The following FHIT variants were observed in gnomAD, a reference collection of about 807,000 sequenced individuals.
FHIT encodes bis(5'-adenosyl)-triphosphatase.
In FHIT, 19 loss-of-function variants were observed where a neutral mutation model predicts 17.9. The observed-to-expected ratio is 1.06, with a 90% CI of 0.74 to 1.56. FHIT has a LOEUF of 1.56. Ranked by LOEUF, FHIT falls within the 40% of genes most tolerant of loss-of-function variation. FHIT has a pLI of 0.00. For synonymous variants in FHIT, 81 were observed against 69.7 expected, an observed-to-expected ratio of 1.16 and a Z score of -0.81; for missense variants, 248 against 189.2, an observed-to-expected ratio of 1.31 and a Z score of -1.82.
chr3:60,509,709 C>T (rs2034872707), intron 5 of FHIT, among the ~76,000 whole-genome samples: 1 of 152,228 alleles, frequency 6.6e-6, no homozygotes, highest in Admixed American at 6.5e-5. Flanking sequence ...CTTCACATGA[C>T]ATTTCTGTGG....
chr3:60,439,502 T>C (rs1468924300), intron 5 of FHIT, among the ~76,000 whole-genome samples: 1 of 152,074 alleles, frequency 6.6e-6, no homozygotes, highest in Non-Finnish European at 1.5e-5. Context: ...AGAACCCTGC[T>C]TTTAGTTTTG....
In FHIT at chr3:60,355,569, A is replaced by T. The variant is rs189865930; in HGVS notation, c.103+181291T>A. On this transcript the variant is annotated intron_variant, in intron 5 of 9. Transcript: ENST00000492590. ...TTTTAATGTTCCTAAATGAAATGAA[A>T]AATTGCTATTAAAAAAACTAAATTT... 2.3e-3 allele frequency among the ~76,000 whole-genome samples: 357 copies of T among 152,314 alleles called. 4 individuals carry two copies. Among genetic ancestry groups the T allele is most frequent in the African/African-American group, 8.2e-3 (342 of 41,574 alleles).
chr3:60,113,225 G>A (rs1704758642), intron 5 of FHIT, among the ~76,000 whole-genome samples: 2 of 152,158 alleles, frequency 1.3e-5, no homozygotes, highest in African/African-American at 4.8e-5. Context: ...TGAAGGTAAG[G>A]ATCCTGTCTT....
intron 7 of FHIT, among the ~76,000 whole-genome samples, chr3:60,004,550 A>C (rs563747690): frequency 1.8e-4 from 27 of 152,312 alleles, no homozygotes; most frequent in African/African-American, 6.0e-4. Context: ...AAGCAGAGCA[A>C]AATAATACAG....
chr3:60,729,594 G>T (rs1025534531), intron 4 of FHIT, among the ~76,000 whole-genome samples: 15 of 152,082 alleles, frequency 9.9e-5, no homozygotes, highest in African/African-American at 3.6e-4. Context: ...TCATACTATT[G>T]TTTCTCATAA....
chr3:61,202,664 C>A (rs1035540212), intron 1 of FHIT, among the ~76,000 whole-genome samples: 2 of 151,928 alleles, frequency 1.3e-5, no homozygotes, highest in Admixed American at 1.3e-4. Context: ...AATGAAACCA[C>A]AGAACGCAGA....
At chr3:60,796,750 G>A (rs1700994719) in intron 4 of FHIT, among the ~76,000 whole-genome samples, 1 of 152,076 alleles carries the variant, frequency 6.6e-6, no homozygotes. Flanking sequence ...CTCAACTAAT[G>A]TTTGTATTTT....
chr3:60,764,140 T>C (rs782715237), intron 4 of FHIT, among the ~76,000 whole-genome samples: 8 of 152,136 alleles, frequency 5.3e-5, no homozygotes, highest in African/African-American at 1.7e-4. Context: ...TTTTCCATCA[T>C]GTAGTGCTCC....
chr3:60,026,969 C>G (rs1281166469), intron 5 of FHIT, among the ~76,000 whole-genome samples: 1 of 151,924 alleles, frequency 6.6e-6, no homozygotes, highest in Non-Finnish European at 1.5e-5. Context: ...CATGGTGGCA[C>G]ACACCTGTAA....
intron 8 of FHIT, among the ~76,000 whole-genome samples, chr3:59,795,416 C>A (rs1337164209): frequency 4.6e-5 from 7 of 150,936 alleles, no homozygotes; most frequent in African/African-American, 1.7e-4. Context: ...ATTTTTTCTT[C>A]TTATTTTTAT....
At chr3:60,243,789 ATAAACT>A (rs775799379) in intron 5 of FHIT, among the ~76,000 whole-genome samples, 31 of 152,122 alleles carry the variant, frequency 2.0e-4, no homozygotes, top group Admixed American at 3.9e-4. Flanking sequence ...CAGTTCTAAA[ATAAACT>A]TTAACTTTTT....
intron 8 of FHIT, among the ~76,000 whole-genome samples, chr3:59,802,175 T>TAA (rs34222977): frequency 2.7e-5 from 4 of 150,164 alleles, no homozygotes; most frequent in African/African-American, 9.8e-5. Context: ...AGACTTGTAT[T>TAA]AAAAAAAAAA....
chr3:60,326,705 C>T (rs778521165), intron 5 of FHIT, among the ~76,000 whole-genome samples: 6 of 152,076 alleles, frequency 3.9e-5, no homozygotes, highest in Non-Finnish European at 7.3e-5. Flanking sequence ...GACGATGTCC[C>T]CTTAACAGTA....
chr3:60,595,685 C>G (rs1311609339), intron 4 of FHIT, among the ~76,000 whole-genome samples: 5 of 151,668 alleles, frequency 3.3e-5, no homozygotes, highest in African/African-American at 1.2e-4. Context: ...AGGTGTCACT[C>G]CTGTTGCCAG....
intron 5 of FHIT, among the ~76,000 whole-genome samples, chr3:60,190,533 G>T (rs1702353887): frequency 6.6e-6 from 1 of 152,002 alleles, no homozygotes; most frequent in African/African-American, 2.4e-5. Context: ...CAGATCACCT[G>T]AGGTCAGGAG....
rs929375407 is a variant in FHIT at position 60,405,778 on chromosome 3, A to G, written c.103+131082T>C. On this transcript the variant is annotated intron_variant, in intron 5 of 9. Coordinates refer to ENST00000492590, the MANE Select transcript of FHIT (RefSeq NM_002012.4). ...GGCATCTACTGAGTAGAGGGCAGGGATTGTGCTAAGCATTCTGCAATGTAC... is the reference window on the plus strand; with the variant it reads ...GGCATCTACTGAGTAGAGGGCAGGGGTTGTGCTAAGCATTCTGCAATGTAC... 6.6e-5 allele frequency among the ~76,000 whole-genome samples: 10 copies of G among 152,316 alleles called. 1 individual carries two copies. Among genetic ancestry groups the G allele is most frequent in the Admixed American group, 4.6e-4 (7 of 15,302 alleles).
intron 5 of FHIT, among the ~76,000 whole-genome samples, chr3:60,483,404 A>G (rs2033701039): frequency 6.6e-6 from 1 of 152,220 alleles, no homozygotes; most frequent in South Asian, 2.1e-4. Flanking sequence ...AATATCCCTG[A>G]TGAGCATCAA....
At chr3:60,351,488 G>T (rs1380990184) in intron 5 of FHIT, among the ~76,000 whole-genome samples, 1 of 152,142 alleles carries the variant, frequency 6.6e-6, no homozygotes, top group African/African-American at 2.4e-5. Context: ...ATATGCAACA[G>T]AGGTAGTCAA....
intron 3 of FHIT, among the ~76,000 whole-genome samples, chr3:60,873,104 G>A (rs552624320): frequency 1.3e-5 from 2 of 151,390 alleles, no homozygotes; most frequent in Non-Finnish European, 2.9e-5. Context: ...TTTTGTTTTT[G>A]GAGGAGGGGA....
Sources: allele counts gnomAD v4.1 joint callset (sites outside exome capture counted in the v4.1 genomes callset), GRCh38; gene constraint gnomAD v4.1.1; transcripts MANE v1.5; gene names NCBI Gene and HGNC (gene_info 2026-07-23, HGNC 2026-07-21).